The following FTCDNL1 variants were observed in gnomAD, a reference collection of about 807,000 sequenced individuals.
FTCDNL1 encodes the protein formiminotransferase cyclodeaminase N-terminal like.
Under a neutral mutation model 5.9 loss-of-function variants are expected in FTCDNL1, and 11 were observed. That is an observed-to-expected ratio of 1.87 (90% CI 1.18 to 3.10). The LOEUF is 3.10. FTCDNL1 is among the 30% of genes most tolerant of loss of function. The pLI is 0.00. For missense variants in FTCDNL1, 115 were observed against 65.5 expected (o/e 1.76, Z -2.61); for synonymous variants, 58 against 24.8 (o/e 2.34, Z -3.99).
At chr2:199,838,614 G>A (rs947107988) in intron 3 of FTCDNL1, among the ~76,000 whole-genome samples, 1 of 152,168 alleles carries the variant, frequency 6.6e-6, no homozygotes, top group African/African-American at 2.4e-5. Context: ...GCCTGATAGA[G>A]GGCAGAACCA....
At chr2:199,824,876 G>T (rs1046854122) in intron 3 of FTCDNL1, among the ~76,000 whole-genome samples, 10 of 152,174 alleles carry the variant, frequency 6.6e-5, no homozygotes, top group African/African-American at 2.4e-4. Flanking sequence ...GATGGCTCAT[G>T]CCTGTAATCC....
At chr2:199,822,119 T>C (rs766450643) in intron 3 of FTCDNL1, among the ~76,000 whole-genome samples, 30 of 152,164 alleles carry the variant, frequency 2.0e-4, no homozygotes, top group Non-Finnish European at 3.7e-4. Context: ...AAATACTTTA[T>C]TGGCCAGGTG....
At chr2:199,796,105 T>C (rs962935579) in intron 3 of FTCDNL1, among the ~76,000 whole-genome samples, 1 of 152,208 alleles carries the variant, frequency 6.6e-6, no homozygotes, top group African/African-American at 2.4e-5. Flanking sequence ...AGATATATGT[T>C]ATTGAAAAAA....
the FTCDNL1 span, among the ~76,000 whole-genome samples, chr2:199,703,784 A>C: frequency 2.0e-5 from 3 of 152,156 alleles, no homozygotes; most frequent in Non-Finnish European, 2.9e-5. Context: ...GAGCTTATTA[A>C]ATTATTTTCT....
At chr2:199,670,908 C>T in the FTCDNL1 span, among the ~76,000 whole-genome samples, 2 of 152,148 alleles carry the variant, frequency 1.3e-5, no homozygotes, top group African/African-American at 4.8e-5. Flanking sequence ...GCTCACATGA[C>T]AGTAGCCTTG....
At chr2:199,827,900 G>A (rs1472410051) in intron 3 of FTCDNL1, among the ~76,000 whole-genome samples, 1 of 152,076 alleles carries the variant, frequency 6.6e-6, no homozygotes, top group African/African-American at 2.4e-5. Context: ...CTTCCATTCT[G>A]TCATCTACAT....
At chr2:199,752,738 C>CTGTGTG in the FTCDNL1 span, among the ~76,000 whole-genome samples, 7 of 25,272 alleles carry the variant, frequency 2.8e-4, no homozygotes, top group African/African-American at 3.8e-4. Context: ...ATCTCTCTCT[C>CTGTGTG]TCTGTGTGTG....
the FTCDNL1 span, among the ~76,000 whole-genome samples, chr2:199,699,623 T>C: frequency 2.2e-4 from 33 of 152,166 alleles, no homozygotes; most frequent in Non-Finnish European, 2.6e-4. Flanking sequence ...CCAATATCCC[T>C]GATGAACACA....
At chr2:199,669,433 C>T in the FTCDNL1 span, among the ~76,000 whole-genome samples, 7 of 152,168 alleles carry the variant, frequency 4.6e-5, no homozygotes, top group African/African-American at 1.2e-4. Flanking sequence ...AGGACCCTCC[C>T]GCCTCTCCTC....
At chr2:199,740,761 AC>A in the FTCDNL1 span, among the ~76,000 whole-genome samples, 1 of 152,208 alleles carries the variant, frequency 6.6e-6, no homozygotes, top group South Asian at 2.1e-4. Context: ...GAGTCTGGAA[AC>A]GCAACTCACA....
downstream of FTCDNL1, among the ~76,000 whole-genome samples, chr2:199,757,427 T>C (rs993938963): frequency 3.3e-5 from 5 of 152,084 alleles, no homozygotes; most frequent in Admixed American, 1.3e-4. Flanking sequence ...CAGCTAATGA[T>C]GGCGTGTAAG....
In FTCDNL1 at chr2:199,810,068, C is replaced by T. The variant is rs1320461888; in HGVS notation, c.*2637G>A. On this transcript the variant is annotated 3_prime_UTR_variant, in exon 5 of 5. Coordinates refer to ENST00000420128, the MANE Select transcript of FTCDNL1 (RefSeq NM_001363886.2). ...TTTTTCCTAAAAGAGCTCGAACTTT[C>T]CAAAATACCAACAGAGAAAGAAAAG... is the stretch of plus-strand genomic sequence containing the variant. 6.6e-6 allele frequency among the ~76,000 whole-genome samples: 1 copy of T among 151,898 alleles called. No homozygotes were observed. Among genetic ancestry groups the T allele is most frequent in the Non-Finnish European group, 1.5e-5 (1 of 68,002 alleles).
intron 3 of FTCDNL1, among the ~76,000 whole-genome samples, chr2:199,773,126 C>A (rs1008425780): frequency 1.3e-5 from 2 of 152,054 alleles, no homozygotes; most frequent in African/African-American, 4.8e-5. Flanking sequence ...CAAAACATTG[C>A]CTTTTATTTA....
chr2:199,708,214 C>T, the FTCDNL1 span, among the ~76,000 whole-genome samples: 3 of 151,962 alleles, frequency 2.0e-5, no homozygotes, highest in African/African-American at 4.8e-5. Flanking sequence ...GCCAATAATG[C>T]CATCCAGAGA....
chr2:199,714,571 T>A, the FTCDNL1 span, among the ~76,000 whole-genome samples: 5 of 152,136 alleles, frequency 3.3e-5, no homozygotes, highest in African/African-American at 4.8e-5. Flanking sequence ...GCCACCATCA[T>A]TGCCTACGTG....
chr2:199,747,646 C>T, the FTCDNL1 span, among the ~76,000 whole-genome samples: 1 of 151,818 alleles, frequency 6.6e-6, no homozygotes, highest in Non-Finnish European at 1.5e-5. Flanking sequence ...GACCCCTTTT[C>T]CCCGGAGGCC....
At chr2:199,669,274 G>A in the FTCDNL1 span, among the ~76,000 whole-genome samples, 2 of 152,038 alleles carry the variant, frequency 1.3e-5, no homozygotes, top group African/African-American at 4.8e-5. Flanking sequence ...TTTTAGATAG[G>A]TCTTCAGCTG....
the FTCDNL1 span, among the ~76,000 whole-genome samples, chr2:199,754,468 C>T: frequency 6.6e-6 from 1 of 152,116 alleles, no homozygotes. Context: ...TAGTCTTTAA[C>T]ACCAGGAGGC....
intron 3 of FTCDNL1, among the ~76,000 whole-genome samples, chr2:199,778,582 A>G (rs1010273631): frequency 6.6e-6 from 1 of 152,200 alleles, no homozygotes; most frequent in African/African-American, 2.4e-5. Context: ...CAGCAAGCCT[A>G]TAAATTAAGC....
Sources: allele counts gnomAD v4.1 joint callset (sites outside exome capture counted in the v4.1 genomes callset), GRCh38; gene constraint gnomAD v4.1.1; transcripts MANE v1.5; gene names NCBI Gene and HGNC (gene_info 2026-07-23, HGNC 2026-07-21).